ATRNL1: variants seen among roughly 807,000 people sequenced by gnomAD.
ATRNL1 encodes attractin like 1.
Under a neutral mutation model 182.7 loss-of-function variants are expected in ATRNL1, and 95 were observed. The observed-to-expected ratio is 0.52, with a 90% CI of 0.44 to 0.62. The LOEUF (loss-of-function observed/expected upper bound fraction) is 0.62, where lower values mean the gene tolerates loss of function less well. Ranked by LOEUF, ATRNL1 falls within the 20% of genes least tolerant of loss-of-function variation. The pLI is 0.00. For synonymous variants in ATRNL1, 576 were observed against 568.3 expected (o/e 1.01, Z -0.19); for missense variants, 1,471 against 1,679.5 (o/e 0.88, Z 2.17).
rs372494188 is a variant in ATRNL1, at chr10:115,502,989, G to A, written c.3655-16274G>A. Among the ~76,000 whole-genome samples the A allele has an allele frequency of 2.4e-4, 37 of 152,240 alleles. No individual in the cohort carries two copies. In the East Asian group the frequency reaches 4.8e-3, roughly 20 times the overall value. On this transcript the variant is annotated intron_variant, in intron 24 of 28. Transcript: ENST00000355044. ...ATAGCTTTAATTTCTGGCCCTGTAT[G>A]TCTCAGGAATACAGTTTATTTTGAC...
chr10:115,609,407 G>A (rs1341095414), intron 26 of ATRNL1, among the ~76,000 whole-genome samples: 2 of 151,872 alleles, frequency 1.3e-5, no homozygotes, highest in Non-Finnish European at 2.9e-5. Flanking sequence ...CCTAACTCCT[G>A]AGTTGAAGTA....
chr10:115,369,306 G>T (rs1326294907), intron 19 of ATRNL1, among the ~76,000 whole-genome samples: 10 of 151,030 alleles, frequency 6.6e-5, no homozygotes, highest in Non-Finnish European at 1.5e-4. Context: ...GGTTCTGTGA[G>T]GGGGAAGGGG....
intron 28 of ATRNL1, among the ~76,000 whole-genome samples, chr10:115,864,439 C>G (rs1443524423): frequency 3.3e-5 from 5 of 152,108 alleles, no homozygotes; most frequent in Admixed American, 2.0e-4. Context: ...GTTAATAGGA[C>G]AAAACACATT....
chr10:115,401,299 C>T (rs1844553673), intron 20 of ATRNL1, among the ~76,000 whole-genome samples: 1 of 152,026 alleles, frequency 6.6e-6, no homozygotes, highest in South Asian at 2.1e-4. Context: ...TTCCCTGTTC[C>T]TTAGTTCATA....
intron 24 of ATRNL1, among the ~76,000 whole-genome samples, chr10:115,489,863 C>A (rs2134650331): frequency 6.6e-6 from 1 of 152,260 alleles, no homozygotes; most frequent in East Asian, 1.9e-4. Context: ...TGGCCGGTAC[C>A]AGTCATTCCT....
chr10:115,140,661 G>A (rs981362956), intron 5 of ATRNL1, among the ~76,000 whole-genome samples: 8 of 151,984 alleles, frequency 5.3e-5, no homozygotes, highest in African/African-American at 1.4e-4. Flanking sequence ...CCTATTGCTC[G>A]ATTCTTTTAA....
At position 115,583,504 on chromosome 10, in the gene ATRNL1, T is replaced by C. The variant is rs1375612573; in HGVS notation, c.3795+33968T>C. On this transcript the variant is annotated intron_variant, in intron 26 of 28. Transcript: ENST00000355044. ...TGGATTCCTGGGTATTTTATTCTCT[T>C]TGAAGCAATTGTGAATGGGAGTTCA... Among the ~76,000 whole-genome samples, 13 of 110,498 alleles carry C rather than the reference T, an allele frequency of 1.2e-4. 3 individuals carry two copies. The South Asian group carries it at 4.0e-3, about 34-fold the overall frequency. The allele number at this position is 110,498 out of a possible 152,430, so 72.5% of individuals were successfully genotyped here.
intron 24 of ATRNL1, among the ~76,000 whole-genome samples, chr10:115,499,236 AATT>A (rs1849695740): frequency 6.6e-6 from 1 of 152,158 alleles, no homozygotes; most frequent in South Asian, 2.1e-4. Context: ...AACTTCAAGA[AATT>A]ATACTCTTCA....
chr10:115,861,205 G>A (rs1951308046), intron 28 of ATRNL1, among the ~76,000 whole-genome samples: 2 of 151,978 alleles, frequency 1.3e-5, no homozygotes, highest in Non-Finnish European at 2.9e-5. Flanking sequence ...CATGAAACTA[G>A]TCCCCATGTT....
At chr10:115,705,534 A>G (rs1946870040) in intron 26 of ATRNL1, among the ~76,000 whole-genome samples, 1 of 151,884 alleles carries the variant, frequency 6.6e-6, no homozygotes, top group Non-Finnish European at 1.5e-5. Context: ...TTAATATTTA[A>G]CTTTTTAAAA....
intron 5 of ATRNL1, among the ~76,000 whole-genome samples, chr10:115,150,246 T>C (rs1846162700): frequency 6.6e-6 from 1 of 152,050 alleles, no homozygotes; most frequent in Non-Finnish European, 1.5e-5. Context: ...TTTTTTGTTG[T>C]TGTTGCTTAA....
chr10:115,663,826 T>A (rs1430759553), intron 26 of ATRNL1, among the ~76,000 whole-genome samples: 1 of 152,122 alleles, frequency 6.6e-6, no homozygotes, highest in Non-Finnish European at 1.5e-5. Context: ...AAGAGCGTCA[T>A]GAATTTTCTG....
intron 26 of ATRNL1, among the ~76,000 whole-genome samples, chr10:115,569,149 C>G (rs181554508): frequency 6.4e-4 from 98 of 152,208 alleles, no homozygotes; most frequent in African/African-American, 2.1e-3. Flanking sequence ...TATGTACCCT[C>G]TACTACATAT....
chr10:115,158,527 C>T (rs1455555609), intron 5 of ATRNL1, among the ~76,000 whole-genome samples: 1 of 151,880 alleles, frequency 6.6e-6, no homozygotes, highest in Non-Finnish European at 1.5e-5. Context: ...TTTTCTATAG[C>T]TGATTTAAAA....
chr10:115,503,833 GA>G (rs1233480924), intron 24 of ATRNL1, among the ~76,000 whole-genome samples: 2 of 150,720 alleles, frequency 1.3e-5, no homozygotes, highest in African/African-American at 2.5e-5. Context: ...TACCCTACAA[GA>G]TTTTTTTTCA....
At chr10:115,381,678 A>T (rs1317471153) in intron 19 of ATRNL1, among the ~76,000 whole-genome samples, 1 of 151,578 alleles carries the variant, frequency 6.6e-6, no homozygotes, top group Admixed American at 6.6e-5. Context: ...TATTTTTTTG[A>T]TGGTATCATT....
intron 27 of ATRNL1, among the ~76,000 whole-genome samples, chr10:115,763,142 T>A (rs1948773355): frequency 6.6e-6 from 1 of 152,206 alleles, no homozygotes; most frequent in African/African-American, 2.4e-5. Flanking sequence ...ATGCAGTTTG[T>A]ATCAAAGGTT....
chr10:115,386,358 C>T (rs1363735416), intron 19 of ATRNL1, among the ~76,000 whole-genome samples: 13 of 152,080 alleles, frequency 8.5e-5, no homozygotes, highest in African/African-American at 2.7e-4. Context: ...GCACCAGCTG[C>T]GGGGGGTCTG....
At chr10:115,787,911 G>A (rs1555080752) in intron 27 of ATRNL1, among the ~76,000 whole-genome samples, 2 of 152,138 alleles carry the variant, frequency 1.3e-5, no homozygotes, top group Admixed American at 1.3e-4. Context: ...AAAGAAAAAG[G>A]CAATATGATA....
Sources: allele counts gnomAD v4.1 joint callset (sites outside exome capture counted in the v4.1 genomes callset), GRCh38; gene constraint gnomAD v4.1.1; transcripts MANE v1.5; gene names NCBI Gene and HGNC (gene_info 2026-07-23, HGNC 2026-07-21).